The following ADGRB3 variants were observed in gnomAD, a reference collection of about 807,000 sequenced individuals.
ADGRB3 encodes the protein brain-specific angiogenesis inhibitor 3.
In ADGRB3, 37 loss-of-function variants were observed where a neutral mutation model predicts 193.4. That is an observed-to-expected ratio of 0.19 (90% CI 0.15 to 0.25). The LOEUF (loss-of-function observed/expected upper bound fraction) is 0.25, where lower values mean the gene tolerates loss of function less well. Ranked by LOEUF, ADGRB3 falls within the 10% of genes least tolerant of loss-of-function variation. The pLI is 1.00. For synonymous variants in ADGRB3, 690 were observed against 644.2 expected (o/e 1.07, Z -1.08); for missense variants, 1,637 against 1,852.9 (o/e 0.88, Z 2.14).
At chr6:69,221,836 A>C (rs2127250353) in intron 17 of ADGRB3, among the ~76,000 whole-genome samples, 1 of 152,202 alleles carries the variant, frequency 6.6e-6, no homozygotes, top group Middle Eastern at 3.4e-3. Context: ...TTTGCATTTC[A>C]TGCCAGAATA....
chr6:68,940,507 C>T (rs1466612440), intron 5 of ADGRB3, among the ~76,000 whole-genome samples: 2 of 142,156 alleles, frequency 1.4e-5, no homozygotes, highest in African/African-American at 2.6e-5. Context: ...TACTTTAATC[C>T]TGTAGCAGAA....
In ADGRB3 at chr6:69,063,095, C is replaced by T. The variant is rs532523354; in HGVS notation, c.2436+59C>T. On this transcript the variant is annotated intron_variant, in intron 16 of 31. Transcript: ENST00000370598. ...TGGAATTACCTTTCTAACAGTCATT[C>T]TTTCAACTGATAACACCAGAATACA... 4.5e-4 allele frequency: 571 copies of T among 1,263,230 alleles called. 2 individuals are homozygous for T. Among genetic ancestry groups the T allele is most frequent in the Middle Eastern group, 4.1e-3 (22 of 5,374 alleles). The allele number at this position is 1,263,230 out of a possible 1,614,324, so 78.3% of individuals were successfully genotyped here.
intron 17 of ADGRB3, among the ~76,000 whole-genome samples, chr6:69,163,089 T>C (rs935515366): frequency 3.9e-5 from 6 of 152,102 alleles, no homozygotes; most frequent in Non-Finnish European, 5.9e-5. Flanking sequence ...TTACCTCCTG[T>C]TTATTGATTT....
chr6:68,841,231 C>A (rs1454751915), intron 3 of ADGRB3, among the ~76,000 whole-genome samples: 1 of 152,136 alleles, frequency 6.6e-6, no homozygotes, highest in Non-Finnish European at 1.5e-5. Context: ...CAGATTTACT[C>A]TTCATGATAG....
chr6:69,336,814 A>G (rs1643957086), intron 24 of ADGRB3, among the ~76,000 whole-genome samples: 1 of 152,142 alleles, frequency 6.6e-6, no homozygotes, highest in Non-Finnish European at 1.5e-5. Context: ...CATCTAGACT[A>G]TGAGTTTTTC....
At chr6:68,854,200 T>A (rs1764886020) in intron 3 of ADGRB3, among the ~76,000 whole-genome samples, 1 of 152,202 alleles carries the variant, frequency 6.6e-6, no homozygotes, top group Admixed American at 6.5e-5. Flanking sequence ...TCTCTGCAGT[T>A]CTCTGGCTAT....
chr6:68,715,007 C>A (rs1312799361), intron 3 of ADGRB3, among the ~76,000 whole-genome samples: 6 of 151,660 alleles, frequency 4.0e-5, no homozygotes, highest in Admixed American at 4.0e-4. Flanking sequence ...CACTACAGTG[C>A]ATAGTAGTTA....
intron 17 of ADGRB3, among the ~76,000 whole-genome samples, chr6:69,199,971 A>G (rs775126570): frequency 5.5e-5 from 8 of 145,416 alleles, no homozygotes; most frequent in Non-Finnish European, 1.0e-4. Flanking sequence ...ATGTTGATCA[A>G]AAAAAAAGGT....
chr6:68,644,412 A>T (rs1415947257), intron 3 of ADGRB3, among the ~76,000 whole-genome samples: 1 of 152,108 alleles, frequency 6.6e-6, no homozygotes, highest in Non-Finnish European at 1.5e-5. Flanking sequence ...TAGAAAAAAA[A>T]TGGTAAGAAA....
chr6:69,118,372 C>T (rs767848985), intron 17 of ADGRB3, among the ~76,000 whole-genome samples: 2 of 151,960 alleles, frequency 1.3e-5, no homozygotes, highest in Non-Finnish European at 2.9e-5. Flanking sequence ...CAAAACTTGG[C>T]CAGCCACTTG....
chr6:69,262,793 A>G (rs1260498539), intron 20 of ADGRB3, among the ~76,000 whole-genome samples: 1 of 151,830 alleles, frequency 6.6e-6, no homozygotes, highest in African/African-American at 2.4e-5. Context: ...TAACTTATAA[A>G]TTAAACTTTA....
At chr6:68,955,731 G>T (rs567244137) in intron 6 of ADGRB3, among the ~76,000 whole-genome samples, 1 of 151,914 alleles carries the variant, frequency 6.6e-6, no homozygotes, top group Non-Finnish European at 1.5e-5. Context: ...GGCAGAGGTT[G>T]TAGTCAGCTG....
intron 17 of ADGRB3, among the ~76,000 whole-genome samples, chr6:69,146,655 A>C (rs997946664): frequency 1.3e-5 from 2 of 152,168 alleles, no homozygotes; most frequent in Admixed American, 1.3e-4. Flanking sequence ...GGCCCTGGCT[A>C]TGCCTCCCAC....
chr6:69,347,710 A>G (rs561983852), intron 26 of ADGRB3, among the ~76,000 whole-genome samples: 9 of 152,234 alleles, frequency 5.9e-5, no homozygotes, highest in African/African-American at 2.2e-4. Context: ...GTTTGAGCTC[A>G]GGAGGTCAAG....
intron 17 of ADGRB3, among the ~76,000 whole-genome samples, chr6:69,088,215 A>T (rs570089483): frequency 6.6e-6 from 1 of 152,294 alleles, no homozygotes; most frequent in East Asian, 1.9e-4. Context: ...GATAAATTTA[A>T]ATAGGTTTTC....
At chr6:69,354,765 A>C (rs937179011) in intron 27 of ADGRB3, among the ~76,000 whole-genome samples, 8 of 152,218 alleles carry the variant, frequency 5.3e-5, no homozygotes, top group African/African-American at 1.9e-4. Flanking sequence ...GGACCTAGGT[A>C]TTGGTGATTC....
At chr6:69,136,476 T>C (rs1052632297) in intron 17 of ADGRB3, among the ~76,000 whole-genome samples, 7 of 152,166 alleles carry the variant, frequency 4.6e-5, no homozygotes, top group African/African-American at 1.7e-4. Context: ...AGCAGAAACA[T>C]ACATCCTACT....
At chr6:69,207,874 G>T (rs1308460940) in intron 17 of ADGRB3, among the ~76,000 whole-genome samples, 1 of 152,200 alleles carries the variant, frequency 6.6e-6, no homozygotes, top group Non-Finnish European at 1.5e-5. Flanking sequence ...TCCACAGATG[G>T]TAGTCTTGGC....
At chr6:68,781,809 C>T (rs1326853155) in intron 3 of ADGRB3, among the ~76,000 whole-genome samples, 6 of 151,922 alleles carry the variant, frequency 3.9e-5, no homozygotes, top group Admixed American at 2.0e-4. Context: ...AGATGAGCGC[C>T]TCCCACTCAC....
Sources: gnomAD v4.1 joint callset for allele counts (sites outside exome capture counted in the v4.1 genomes callset) on GRCh38, gnomAD v4.1.1 for gene constraint, MANE v1.5 for transcripts, NCBI Gene and HGNC (gene_info 2026-07-23, HGNC 2026-07-21) for gene names.